Variants in FOXP2 observed in about 807,000 individuals in gnomAD.
FOXP2 encodes forkhead box P2.
FOXP2 carries 12 observed loss-of-function variants against 115.8 expected under a neutral mutation model. The ratio of observed to expected loss-of-function variants is 0.10; its 90% CI spans 0.07 to 0.17. The LOEUF (loss-of-function observed/expected upper bound fraction) is 0.17. Among genes scored for constraint, FOXP2 ranks in the 10% least tolerant of loss-of-function variants. The pLI is 1.00. For missense variants in FOXP2, 629 were observed against 843.5 expected (o/e 0.75, Z 3.15); for synonymous variants, 328 against 297.7 (o/e 1.10, Z -1.05).
intron 2 of FOXP2, among the ~76,000 whole-genome samples, chr7:114,303,027 C>A (rs1487556248): frequency 6.6e-6 from 1 of 152,142 alleles, no homozygotes; most frequent in Non-Finnish European, 1.5e-5. Context: ...AGAGCCCGAG[C>A]AGATGACTCA....
At chr7:114,397,741 C>A (rs1792777607) in intron 2 of FOXP2, among the ~76,000 whole-genome samples, 3 of 152,042 alleles carry the variant, frequency 2.0e-5, no homozygotes, top group African/African-American at 7.2e-5. Flanking sequence ...CAGTGGACTG[C>A]CATGGAGGGT....
chr7:114,176,420 C>A (rs925231557), intron 1 of FOXP2, among the ~76,000 whole-genome samples: 1 of 151,218 alleles, frequency 6.6e-6, no homozygotes, highest in African/African-American at 2.4e-5. Context: ...CTCACTGCAG[C>A]CTCAACCTCC....
At chr7:114,206,533 A>T (rs1794206248) in intron 1 of FOXP2, among the ~76,000 whole-genome samples, 2 of 151,954 alleles carry the variant, frequency 1.3e-5, no homozygotes, top group African/African-American at 4.8e-5. Flanking sequence ...CGACAATTCC[A>T]TTTTATGCAG....
At chr7:114,293,500 G>C (rs1178273526) in intron 2 of FOXP2, among the ~76,000 whole-genome samples, 3 of 152,164 alleles carry the variant, frequency 2.0e-5, no homozygotes, top group Non-Finnish European at 4.4e-5. Context: ...CTTGATTCCT[G>C]AGCCTCAGTA....
At chr7:114,166,030 A>G (rs560375934) in intron 1 of FOXP2, among the ~76,000 whole-genome samples, 1 of 152,196 alleles carries the variant, frequency 6.6e-6, no homozygotes, top group South Asian at 2.1e-4. Context: ...TTTTCAACAA[A>G]TAGTGCTTAA....
intron 1 of FOXP2, among the ~76,000 whole-genome samples, chr7:114,196,000 A>T (rs529829269): frequency 6.6e-6 from 1 of 152,230 alleles, no homozygotes; most frequent in Admixed American, 6.5e-5. Flanking sequence ...TTTGTATTTT[A>T]AAAAATTAAT....
intron 2 of FOXP2, among the ~76,000 whole-genome samples, chr7:114,389,180 T>G (rs770434960): frequency 2.0e-5 from 3 of 152,214 alleles, no homozygotes; most frequent in Non-Finnish European, 2.9e-5. Context: ...TTTTAGTGTA[T>G]CCTGATGAAA....
intron 2 of FOXP2, among the ~76,000 whole-genome samples, chr7:114,333,447 A>G (rs1208298711): frequency 6.6e-6 from 1 of 152,176 alleles, no homozygotes; most frequent in Non-Finnish European, 1.5e-5. Context: ...CACCATTCAA[A>G]AAATAAGCAG....
intron 2 of FOXP2, among the ~76,000 whole-genome samples, chr7:114,386,258 T>C (rs1005057740): frequency 2.0e-5 from 3 of 151,894 alleles, no homozygotes; most frequent in Admixed American, 6.5e-5. Flanking sequence ...TAGAGTGAAA[T>C]AGAGTGAAAA....
intron 13 of FOXP2, 61 bp from the exon 14 acceptor site, chr7:114,662,004 T>G: frequency 6.3e-7 from 1 of 1,595,816 alleles, no homozygotes. Flanking sequence ...TGTAGTATGT[T>G]GGGCTGCCTT....
intron 3 of FOXP2, among the ~76,000 whole-genome samples, chr7:114,627,971 A>G (rs1296220023): frequency 6.6e-6 from 1 of 151,946 alleles, no homozygotes; most frequent in African/African-American, 2.4e-5. Flanking sequence ...ATGAATTATC[A>G]CATGTTGTCA....
chr7:114,183,699 T>A (rs1793516173), intron 1 of FOXP2, among the ~76,000 whole-genome samples: 1 of 152,192 alleles, frequency 6.6e-6, no homozygotes, highest in South Asian at 2.1e-4. Flanking sequence ...ATATCATATA[T>A]GCACTTTTTA....
chr7:114,629,562 A>G (rs1804776014), intron 4 of FOXP2: 3 of 1,531,196 alleles, frequency 2.0e-6, no homozygotes, highest in Non-Finnish European at 2.6e-6. Context: ...GACCCTTTAG[A>G]ATACAGACTT....
chr7:114,120,828 GT>G (rs567683398), intron 1 of FOXP2, among the ~76,000 whole-genome samples: 17 of 152,004 alleles, frequency 1.1e-4, no homozygotes, highest in Non-Finnish European at 2.2e-4. Context: ...TCAGCTACTT[GT>G]TTAAGGCCAC....
chr7:114,663,397 T>C (rs894609401), intron 14 of FOXP2, 53 bp from the exon 15 acceptor site: 2 of 1,279,082 alleles, frequency 1.6e-6, no homozygotes, highest in Non-Finnish European at 2.3e-6. Flanking sequence ...ACTATTGATA[T>C]CCACGTTTTA....
At chr7:114,168,809 A>G (rs1267217960) in intron 1 of FOXP2, among the ~76,000 whole-genome samples, 1 of 152,170 alleles carries the variant, frequency 6.6e-6, no homozygotes, top group South Asian at 2.1e-4. Context: ...AAGTAGTTTT[A>G]TGGGCTGTCC....
At chr7:114,484,848 T>A (rs1191516751) in intron 2 of FOXP2, among the ~76,000 whole-genome samples, 1 of 151,964 alleles carries the variant, frequency 6.6e-6, no homozygotes, top group African/African-American at 2.4e-5. Context: ...AAGTTAGCTA[T>A]AAAGAATAGC....
At chr7:114,618,655 A>T (rs1804076307) in intron 3 of FOXP2, among the ~76,000 whole-genome samples, 1 of 152,196 alleles carries the variant, frequency 6.6e-6, no homozygotes, top group Non-Finnish European at 1.5e-5. Flanking sequence ...GTGCTCATAG[A>T]ACACTATGAA....
chr7:114,692,380 A>G lies in FOXP2; in HGVS notation c.*2454A>G. 1 of 452,548 alleles carries G rather than the reference A, an allele frequency of 2.2e-6. No homozygotes were observed. The highest frequency in any genetic ancestry group is 1.6e-5 in the South Asian group (1 of 63,964). 28.0% of individuals were successfully genotyped at this position (452,548 alleles called of 1,614,324 possible). A position where few individuals can be genotyped will look rare whatever the true frequency, so the allele number is the denominator to read the frequency against. ...AAAATAGCTGCTTGCACATTATACCAGAAAAACCTCCAAAACTGCAATTGC... is the reference window on the plus strand; with the variant it reads ...AAAATAGCTGCTTGCACATTATACCGGAAAAACCTCCAAAACTGCAATTGC... On this transcript the variant is annotated 3_prime_UTR_variant, in exon 17 of 17. Transcript: ENST00000350908.
Sources: allele counts gnomAD v4.1 joint callset (sites outside exome capture counted in the v4.1 genomes callset), GRCh38; gene constraint gnomAD v4.1.1; transcripts MANE v1.5; gene names NCBI Gene and HGNC (gene_info 2026-07-23, HGNC 2026-07-21).